AMPD1: variants seen among roughly 807,000 people sequenced by gnomAD.
The protein encoded by AMPD1 is adenosine monophosphate deaminase 1.
A neutral mutation model predicts 82.9 loss-of-function variants in AMPD1; 74 were observed. That is an observed-to-expected ratio of 0.89 (90% CI 0.74 to 1.08). The LOEUF (loss-of-function observed/expected upper bound fraction) is 1.08, where lower values mean the gene tolerates loss of function less well. Among genes scored for constraint, AMPD1 ranks in the 50% least tolerant of loss-of-function variants. AMPD1 has a pLI of 0.00. For missense variants in AMPD1, 881 were observed against 924.5 expected (o/e 0.95, Z 0.61); for synonymous variants, 333 against 320.5 (o/e 1.04, Z -0.42).
intron 12 of AMPD1, 155 bp from the exon 13 acceptor site, chr1:114,675,027 A>G (rs1462494821): frequency 9.6e-7 from 1 of 1,042,686 alleles, no homozygotes; most frequent in Non-Finnish European, 1.4e-6. Flanking sequence ...CTTGCTAAAT[A>G]CAAAGTTTCC....
chr1:114,686,380 G>A (rs956466889), intron 4 of AMPD1, among the ~76,000 whole-genome samples: 5 of 151,736 alleles, frequency 3.3e-5, no homozygotes, highest in Admixed American at 2.0e-4. Context: ...CAGAGACTCC[G>A]TGCCTCCCCA....
At chr1:114,678,657 T>A in intron 7 of AMPD1, 130 bp from the exon 8 acceptor site, 1 of 854,774 alleles carries the variant, frequency 1.2e-6, no homozygotes, top group South Asian at 1.4e-5. Flanking sequence ...AGCTGACAGT[T>A]GGTGGAGGTG....
rs771947759 is a variant in AMPD1, at chr1:114,680,405, G to A, written c.621C>T (p.His207=). The A allele has an allele frequency of 1.2e-6, 2 of 1,614,192 alleles. No individual in the cohort carries two copies. Among genetic ancestry groups the A allele is most frequent in the South Asian group, 1.1e-5 (1 of 91,088 alleles). Residue 207 remains histidine (H), a synonymous_variant, in exon 6 of 16, where the codon CAC becomes CAT. Transcript: ENST00000520113. The part of the protein sequence containing the change: ...TDNLPENLGY[H]LKMKDGVVYV... ...AAACTACACCGTCCTTCATTTTGAG[G>A]TGATAGCCCAGGTTTTCAGGAAGGT...
At chr1:114,693,520 G>T in intron 1 of AMPD1, 73 bp from the exon 2 acceptor site, 1 of 1,351,050 alleles carries the variant, frequency 7.4e-7, no homozygotes, top group Non-Finnish European at 1.1e-6. Context: ...ATTAATCACT[G>T]CTTTGGGGTA....
At position 114,674,813 on chromosome 1, in the gene AMPD1, G is replaced by A; in HGVS notation, c.1739C>T (p.Thr580Ile). ...RPHCGEAGALTHLMTAFMIAD... is the reference protein window; with the variant it reads ...RPHCGEAGALIHLMTAFMIAD... ...TATCATGAATGCTGTCATGAGATGG[G>A]TGAGGGCTCCAGCTTCTCCACAGTG... The change falls in exon 13 of 16, where the codon ACC becomes ATC. Residue 580 changes from threonine (T) to isoleucine (I), a missense_variant. Thr to Ile is a moderately conservative substitution (Grantham distance 89, BLOSUM62 -1). Transcript: ENST00000520113. 1 of 1,613,828 alleles carries A rather than the reference G, an allele frequency of 6.2e-7. No individual in the cohort carries two copies. Among genetic ancestry groups the A allele is most frequent in the African/African-American group, 1.3e-5 (1 of 75,034 alleles).
chr1:114,688,983 T>G, intron 2 of AMPD1: 1 of 717,118 alleles, frequency 1.4e-6, no homozygotes, highest in South Asian at 1.4e-5. Context: ...AGAACAGTCC[T>G]AAAGATGGTC....
Position 114,673,175 on chromosome 1 carries a change from C to G in AMPD1, c.2183G>C (p.Arg728Pro), listed in dbSNP as rs142643298. The G allele has an allele frequency of 1.2e-6, 2 of 1,614,112 alleles. No individual in the cohort carries two copies. The highest frequency in any genetic ancestry group is 4.5e-5 in the East Asian group (2 of 44,876). ...TNVAQIRMAYRYETWCYELNL... is the reference protein window; with the variant it reads ...TNVAQIRMAYPYETWCYELNL... Reference sequence around the variant, plus strand: ...GAGTTCATAACACCAGGTTTCATAGCGATAGGCCATGCGGATTTGGGCTAC... The same window carrying G: ...GAGTTCATAACACCAGGTTTCATAGGGATAGGCCATGCGGATTTGGGCTAC... Residue 728 changes from arginine (R) to proline (P), a missense_variant, in exon 16 of 16, where the codon CGC becomes CCC. Around this residue, in one of 2 missense-constraint regions of AMPD1, gnomAD observed 98 missense variants for 138.1 expected, o/e 0.71. Coordinates refer to ENST00000520113, the MANE Select transcript of AMPD1 (RefSeq NM_000036.3).
In AMPD1 at chr1:114,686,893, C is replaced by T. The variant is rs1022447191; in HGVS notation, c.233G>A (p.Gly78Glu). The T allele has an allele frequency of 6.2e-6, 10 of 1,614,046 alleles. No individual in the cohort carries two copies. The African/African-American group carries it at 1.2e-4, about 19-fold the overall frequency. ...TEARRKKRFQ[G>E]RKTVNLSIPL... ...AATGGACAAATTAACAGTCTTCCGTCCTTGGAAACGCTTTTTTCTGGGTTC... is the reference window on the plus strand; with the variant it reads ...AATGGACAAATTAACAGTCTTCCGTTCTTGGAAACGCTTTTTTCTGGGTTC... Residue 78 changes from glycine to glutamate, a missense_variant, in exon 4 of 16, where the codon GGA (glycine) becomes GAA (glutamate). Gly to Glu is a moderately conservative substitution (Grantham distance 98). Transcript: ENST00000520113.
At position 114,680,259 on chromosome 1, in the gene AMPD1, A is replaced by G. The variant is rs1658116087; in HGVS notation, c.767T>C (p.Val256Ala). 6.2e-7 allele frequency: 1 copy of G among 1,613,316 alleles called. No individual in the cohort carries two copies. Among genetic ancestry groups the G allele is most frequent in the Non-Finnish European group, 8.5e-7 (1 of 1,179,850 alleles). Residue 256 changes from valine (V) to alanine (A), a missense_variant and splice_region_variant, in exon 6 of 16, where the codon GTT (valine) becomes GCT (alanine). Physicochemically the swap from Val to Ala is moderately conservative, Grantham distance 64. Coordinates refer to ENST00000520113, the MANE Select transcript of AMPD1 (RefSeq NM_000036.3). ...TGTTTAGGTCTCACTAAACACTTAC[A>G]CAGGTCCTTGAGCAATTAAAGCAAG... ...FLLALIAQGP[V>A]KTYTHRRLKF... is the part of the protein sequence containing the mutation.
At position 114,680,466 on chromosome 1, in the gene AMPD1, G is replaced by A; in HGVS notation, c.560C>T (p.Pro187Leu). 6.2e-7 allele frequency: 1 copy of A among 1,614,074 alleles called. No homozygotes were observed. ...NESFYPVFTP[P>L]VKKGEDPFRT... ...GAAGGGGTCCTCTCCCTTCTTCACA[G>A]GAGGAGTAAAGACTTTTTCAATCAA... Residue 187 changes from proline (P) to leucine (L), a missense_variant, in exon 6 of 16, where the codon CCT (proline) becomes CTT (leucine). Transcript: ENST00000520113.
Position 114,673,720 on chromosome 1 carries a change from A to G in AMPD1, c.2004T>C (p.Ala668=). Residue 668 remains alanine, a synonymous_variant, in exon 15 of 16, where the codon GCT becomes GCC. Transcript: ENST00000520113. ...KEPLMEEYAI[A]AQVFKLSTCD... is the part of the protein sequence containing the mutation. ...AGGTGCTCAGCTTGAAGACTTGTGC[A>G]GCAATAGCATATTCTTCCATTAGGG... 6.2e-7 allele frequency: 1 copy of G among 1,614,108 alleles called. No homozygotes were observed. The highest frequency in any genetic ancestry group is 1.7e-5 in the Admixed American group (1 of 60,026).
At chr1:114,690,829 A>T (rs1658495032) in intron 2 of AMPD1, among the ~76,000 whole-genome samples, 1 of 152,124 alleles carries the variant, frequency 6.6e-6, no homozygotes, top group Non-Finnish European at 1.5e-5. Flanking sequence ...ATGTACCATG[A>T]AGGGCAAATG....
intron 1 of AMPD1, among the ~76,000 whole-genome samples, chr1:114,694,452 A>T (rs1337884975): frequency 1.3e-5 from 2 of 152,028 alleles, no homozygotes; most frequent in African/African-American, 2.4e-5. Flanking sequence ...TTTAAAAAAA[A>T]CTCTTTAATT....
chr1:114,684,090 C>T (rs1289113286), intron 5 of AMPD1, 109 bp downstream of exon 5: 1 of 1,203,662 alleles, frequency 8.3e-7, no homozygotes, highest in Admixed American at 2.1e-5. Flanking sequence ...ATGATTATGA[C>T]TATGATATTT....
At chr1:114,680,552 A>C in intron 5 of AMPD1, 74 bp from the exon 6 acceptor site, 1 of 1,229,520 alleles carries the variant, frequency 8.1e-7, no homozygotes, top group Non-Finnish European at 1.2e-6. Context: ...CAAAATGTGA[A>C]ATACTACAAC....
chr1:114,682,453 A>T (rs1159252077), intron 5 of AMPD1, among the ~76,000 whole-genome samples: 1 of 152,218 alleles, frequency 6.6e-6, no homozygotes, highest in Non-Finnish European at 1.5e-5. Context: ...AGAGGATGGG[A>T]AAACCACTGT....
At chr1:114,688,442 C>A in intron 3 of AMPD1, 119 bp downstream of exon 3, 1 of 1,231,922 alleles carries the variant, frequency 8.1e-7, no homozygotes, top group Non-Finnish European at 1.2e-6. Context: ...GAATTGCTAA[C>A]TCTGGCAGAG....
At chr1:114,688,993 C>T in intron 2 of AMPD1, 1 of 702,280 alleles carries the variant, frequency 1.4e-6, no homozygotes, top group East Asian at 2.8e-5. Context: ...TAAAGATGGT[C>T]CTAAAGATGA....
intron 9 of AMPD1, 84 bp from the exon 10 acceptor site, chr1:114,677,598 T>C: frequency 6.4e-7 from 1 of 1,569,262 alleles, no homozygotes; most frequent in Non-Finnish European, 8.7e-7. Flanking sequence ...CCTTTCTAAC[T>C]CTTCCTTTCA....
Sources: allele counts gnomAD v4.1 joint callset (sites outside exome capture counted in the v4.1 genomes callset), GRCh38; gene constraint gnomAD v4.1.1; regional missense constraint gnomAD v4.1.1; transcripts MANE v1.5; gene names NCBI Gene and HGNC (gene_info 2026-07-23, HGNC 2026-07-21).